SLFN12L: variants seen among roughly 807,000 people sequenced by gnomAD.
SLFN12L encodes the protein schlafen family member 12-like.
Under a neutral mutation model 34.8 loss-of-function variants are expected in SLFN12L, and 34 were observed. That is an observed-to-expected ratio of 0.98 (90% CI 0.74 to 1.30). The LOEUF (loss-of-function observed/expected upper bound fraction) is 1.30. Ranked by LOEUF, SLFN12L falls within the 50% of genes most tolerant of loss-of-function variation. SLFN12L has a pLI of 0.00. For synonymous variants in SLFN12L, 259 were observed against 247.5 expected (o/e 1.05, Z -0.44); for missense variants, 703 against 696.2 (o/e 1.01, Z -0.11).
At chr17:35,503,847 C>A (rs1057120425) in intron 2 of SLFN12L, among the ~76,000 whole-genome samples, 1 of 149,878 alleles carries the variant, frequency 6.7e-6, no homozygotes, top group African/African-American at 2.5e-5. Context: ...TGAGAAGGAC[C>A]CTACCTTGTG....
chr17:35,487,610 A>T, intron 2 of SLFN12L: 2 of 1,131,370 alleles, frequency 1.8e-6, no homozygotes, highest in Non-Finnish European at 2.5e-6. Context: ...AGCAACTGAA[A>T]GTTAAACGCC....
intron 2 of SLFN12L, among the ~76,000 whole-genome samples, chr17:35,519,499 A>C (rs964116847): frequency 1.3e-5 from 2 of 152,240 alleles, no homozygotes; most frequent in African/African-American, 4.8e-5. Context: ...TGAATGAATG[A>C]GTAAATGGAG....
At chr17:35,523,427 C>T (rs976651960) in intron 1 of SLFN12L, among the ~76,000 whole-genome samples, 1 of 152,140 alleles carries the variant, frequency 6.6e-6, no homozygotes, top group Non-Finnish European at 1.5e-5. Flanking sequence ...ACAATATTTG[C>T]GGAGAAGAGG....
At chr17:35,531,695 C>G (rs1597888354) in intron 1 of SLFN12L, among the ~76,000 whole-genome samples, 2 of 152,194 alleles carry the variant, frequency 1.3e-5, no homozygotes, top group Admixed American at 6.5e-5. Context: ...CGGTTCACTG[C>G]AACCTCCATC....
At chr17:35,495,018 C>T (rs913488327) in intron 2 of SLFN12L, among the ~76,000 whole-genome samples, 3 of 151,828 alleles carry the variant, frequency 2.0e-5, no homozygotes, top group African/African-American at 4.8e-5. Flanking sequence ...TGATCCTGAG[C>T]CACTGGAGTA....
rs764692833 is a variant in SLFN12L, at chr17:35,469,689, C to T, written c.*5234G>A. Among the ~76,000 whole-genome samples the T allele has an allele frequency of 1.3e-5, 2 of 152,090 alleles. No individual in the cohort carries two copies. Among genetic ancestry groups the T allele is most frequent in the African/African-American group, 2.4e-5 (1 of 41,408 alleles). ...TTGTCTATTTGGCATCCATTAATCA[C>T]AGGGCCAAACTAATGGCCAACATTC... On this transcript the variant is annotated 3_prime_UTR_variant, in exon 5 of 5. Coordinates refer to ENST00000628453, the MANE Select transcript of SLFN12L (RefSeq NM_001363830.2).
intron 3 of SLFN12L, 194 bp from the exon 4 acceptor site, chr17:35,478,379 A>T (rs1914133482): frequency 4.7e-6 from 2 of 423,306 alleles, no homozygotes; most frequent in Non-Finnish European, 4.2e-6. Flanking sequence ...TTAACTCTTG[A>T]TGCTGCTGAA....
chr17:35,515,107 C>T (rs1915770149), intron 2 of SLFN12L: 1 of 629,680 alleles, frequency 1.6e-6, no homozygotes, highest in Non-Finnish European at 3.1e-6. Flanking sequence ...TCACTTCAGT[C>T]TTTTGCGGTC....
At chr17:35,499,308 CA>C (rs1915209945) in intron 2 of SLFN12L, 1 of 633,594 alleles carries the variant, frequency 1.6e-6, no homozygotes, top group African/African-American at 1.9e-5. Context: ...AGACTAATGC[CA>C]TGTAACCTGT....
rs1013918148 is a variant in SLFN12L, at chr17:35,468,392, G to A, written c.*6531C>T. 1.2e-4 allele frequency among the ~76,000 whole-genome samples: 18 copies of A among 152,212 alleles called. No homozygotes were observed. Among genetic ancestry groups the A allele is most frequent in the Admixed American group, 3.3e-4 (5 of 15,292 alleles). On this transcript the variant is annotated 3_prime_UTR_variant, in exon 5 of 5. Transcript: ENST00000628453. The stretch of plus-strand genomic sequence containing the variant: ...TCCTAGATGACATTTTCCTGGATAG[G>A]CACTCACTGCTGGAGATTATGCTGC...
At chr17:35,485,166 A>G (rs992067971) in intron 2 of SLFN12L, among the ~76,000 whole-genome samples, 7 of 151,768 alleles carry the variant, frequency 4.6e-5, no homozygotes, top group African/African-American at 1.7e-4. Context: ...CAAAAAACCA[A>G]CTCTTTATTT....
intron 2 of SLFN12L, chr17:35,514,787 CA>C: frequency 2.5e-6 from 1 of 392,438 alleles, no homozygotes; most frequent in Non-Finnish European, 4.9e-6. Flanking sequence ...CGTCTTTGGC[CA>C]AGCGCCAGCA....
chr17:35,514,812 G>C, intron 2 of SLFN12L: 1 of 397,770 alleles, frequency 2.5e-6, no homozygotes, highest in Non-Finnish European at 4.9e-6. Flanking sequence ...ACAAGTCTCT[G>C]ATTAACTGGT....
intron 2 of SLFN12L, chr17:35,490,036 C>A: frequency 3.1e-6 from 5 of 1,602,458 alleles, no homozygotes; most frequent in East Asian, 4.5e-5. Flanking sequence ...ACACTTCCAC[C>A]ACCTCCTGTT....
intron 2 of SLFN12L, among the ~76,000 whole-genome samples, chr17:35,492,570 G>A (rs538796293): frequency 7.9e-5 from 12 of 152,306 alleles, no homozygotes; most frequent in African/African-American, 2.2e-4. Context: ...GCCAGACCCC[G>A]TTCCCCTTCC....
intron 2 of SLFN12L, among the ~76,000 whole-genome samples, chr17:35,482,107 C>A (rs1914366030): frequency 6.6e-6 from 1 of 152,216 alleles, no homozygotes; most frequent in African/African-American, 2.4e-5. Flanking sequence ...CTCAGATGAT[C>A]CACCTGCCTT....
chr17:35,515,348 T>C (rs764186322), intron 2 of SLFN12L, among the ~76,000 whole-genome samples: 4 of 152,242 alleles, frequency 2.6e-5, no homozygotes, highest in Non-Finnish European at 5.9e-5. Context: ...TTAGTTCATT[T>C]ACTATATTTG....
chr17:35,535,725 A>G (rs1054564224), intron 1 of SLFN12L, among the ~76,000 whole-genome samples: 1 of 151,930 alleles, frequency 6.6e-6, no homozygotes. Flanking sequence ...GCAGGATCTC[A>G]GCTAACCGCA....
rs1479814511 is a variant in SLFN12L at position 35,474,855 on chromosome 17, C to T, written c.*68G>A. The T allele has an allele frequency of 3.9e-5, 56 of 1,441,288 alleles. No homozygotes were observed. The highest frequency in any genetic ancestry group is 4.9e-5 in the Non-Finnish European group (54 of 1,095,306). 89.3% of individuals were successfully genotyped at this position (1,441,288 alleles called of 1,614,324 possible). On this transcript the variant is annotated 3_prime_UTR_variant, in exon 5 of 5. Transcript: ENST00000628453. ...GCTGAGGCAGGGAATTGCTTGAACC[C>T]AGGAGGCAGAGGTTGCAGTGAGTCG...
Sources: gnomAD v4.1 joint callset for allele counts (sites outside exome capture counted in the v4.1 genomes callset) on GRCh38, gnomAD v4.1.1 for gene constraint, MANE v1.5 for transcripts, NCBI Gene and HGNC (gene_info 2026-07-23, HGNC 2026-07-21) for gene names.